PTPRD: variants seen among roughly 807,000 people sequenced by gnomAD.
PTPRD encodes receptor-type tyrosine-protein phosphatase delta.
In PTPRD, 34 loss-of-function variants were observed where a neutral mutation model predicts 214.5. That is an observed-to-expected ratio of 0.16 (90% CI 0.12 to 0.21). PTPRD has a LOEUF of 0.21. Ranked by LOEUF, PTPRD falls within the 10% of genes least tolerant of loss-of-function variation. PTPRD has a pLI of 1.00. For synonymous variants in PTPRD, 1,128 were observed against 845.7 expected, an observed-to-expected ratio of 1.33 and a Z score of -5.79; for missense variants, 2,545 against 2,398.7, an observed-to-expected ratio of 1.06 and a Z score of -1.27.
At position 8,891,137 on chromosome 9, in the gene PTPRD, A is replaced by ATTTTTTTTTTTTTTTTTT. The variant is rs761564011; in HGVS notation, c.-104+127559_-104+127560insAAAAAAAAAAAAAAAAAA. On this transcript the variant is annotated intron_variant, in intron 11 of 45. Coordinates refer to ENST00000381196, the MANE Select transcript of PTPRD (RefSeq NM_002839.4). Reference sequence around the variant, plus strand: ...AACTTCTGTGCTTTGAATTAATCTAATTTTTTTTTTTTTTGAGACTGAGTC... The same window carrying ATTTTTTTTTTTTTTTTTT: ...AACTTCTGTGCTTTGAATTAATCTAATTTTTTTTTTTTTTTTTTTTTTTTTTTTTTTTGAGACTGAGTC... 1.5e-3 allele frequency among the ~76,000 whole-genome samples: 183 copies of ATTTTTTTTTTTTTTTTTT among 123,578 alleles called. 13 individuals are homozygous for ATTTTTTTTTTTTTTTTTT. Among genetic ancestry groups the ATTTTTTTTTTTTTTTTTT allele is most frequent in the African/African-American group, 5.3e-3 (167 of 31,614 alleles). The allele number at this position is 123,578 out of a possible 152,430, so 81.1% of individuals were successfully genotyped here.
intron 11 of PTPRD, among the ~76,000 whole-genome samples, chr9:9,011,485 G>T (rs1298635744): frequency 1.3e-5 from 2 of 152,048 alleles, no homozygotes; most frequent in Non-Finnish European, 2.9e-5. Context: ...GAGAAGTGAG[G>T]TGTACATTAA....
chr9:10,486,151 T>C (rs1227148307), intron 2 of PTPRD, among the ~76,000 whole-genome samples: 2 of 152,118 alleles, frequency 1.3e-5, no homozygotes, highest in Non-Finnish European at 2.9e-5. Flanking sequence ...ACTCTGATGG[T>C]AGTTTCTTTT....
At chr9:9,818,644 G>C (rs2476592) in intron 5 of PTPRD, among the ~76,000 whole-genome samples, 4 of 151,806 alleles carry the variant, frequency 2.6e-5, no homozygotes, top group Admixed American at 2.6e-4. Context: ...TGGGTCGGGC[G>C]TGGTGGCTCA....
chr9:10,554,192 GC>G (rs766452644), intron 2 of PTPRD, among the ~76,000 whole-genome samples: 4 of 152,004 alleles, frequency 2.6e-5, no homozygotes, highest in Non-Finnish European at 4.4e-5. Context: ...ACTGTTCCTT[GC>G]CCTTAAATGG....
intron 2 of PTPRD, among the ~76,000 whole-genome samples, chr9:10,490,495 T>C (rs2039848689): frequency 6.6e-6 from 1 of 152,180 alleles, no homozygotes; most frequent in Non-Finnish European, 1.5e-5. Context: ...GATACCTCTC[T>C]TCTTTCCTTC....
chr9:8,378,263 T>A (rs1350837492), intron 37 of PTPRD, among the ~76,000 whole-genome samples: 5 of 152,022 alleles, frequency 3.3e-5, no homozygotes, highest in African/African-American at 1.2e-4. Context: ...CATAGGGAAA[T>A]GATAATTCTT....
intron 24 of PTPRD, among the ~76,000 whole-genome samples, chr9:8,500,050 C>CAAAAAAAAAAAAAAAAAAAGAAAA (rs34424655): frequency 1.3e-5 from 1 of 78,338 alleles, no homozygotes. Context: ...ATGACCGATG[C>CAAAAAAAAAAAAAAAAAAAGAAAA]AAAAAAAAAA....
At chr9:9,687,570 A>G (rs1265921236) in intron 7 of PTPRD, among the ~76,000 whole-genome samples, 2 of 151,850 alleles carry the variant, frequency 1.3e-5, no homozygotes, top group Non-Finnish European at 2.9e-5. Flanking sequence ...ATAACTTTTT[A>G]CATATGTTAC....
chr9:9,079,193 C>T (rs2099755490), intron 10 of PTPRD, among the ~76,000 whole-genome samples: 1 of 152,046 alleles, frequency 6.6e-6, no homozygotes, highest in South Asian at 2.1e-4. Flanking sequence ...ACAAATCTCT[C>T]CTTATTCCTC....
intron 8 of PTPRD, among the ~76,000 whole-genome samples, chr9:9,558,774 C>A (rs539420669): frequency 6.6e-6 from 1 of 152,256 alleles, no homozygotes; most frequent in South Asian, 2.1e-4. Flanking sequence ...AAAGTCCAGG[C>A]AGAAGGAGCA....
At chr9:10,320,889 A>C (rs1310646144) in intron 3 of PTPRD, among the ~76,000 whole-genome samples, 6 of 151,860 alleles carry the variant, frequency 4.0e-5, no homozygotes, top group Admixed American at 1.3e-4. Context: ...AACAATGCCC[A>C]GTAAATTTTT....
At chr9:8,563,223 G>A (rs186792668) in intron 14 of PTPRD, among the ~76,000 whole-genome samples, 16 of 152,194 alleles carry the variant, frequency 1.1e-4, no homozygotes, top group African/African-American at 3.1e-4. Flanking sequence ...CCTGGGAAGC[G>A]TATTGGTGAG....
intron 12 of PTPRD, among the ~76,000 whole-genome samples, chr9:8,708,710 C>T (rs2098263917): frequency 7.2e-6 from 1 of 138,460 alleles, no homozygotes; most frequent in South Asian, 2.4e-4. Context: ...AAAAACAGAG[C>T]TACCATGTGA....
chr9:9,534,361 G>A (rs890760064), intron 8 of PTPRD, among the ~76,000 whole-genome samples: 2 of 151,986 alleles, frequency 1.3e-5, no homozygotes, highest in African/African-American at 4.8e-5. Context: ...CTCCATGGCA[G>A]CATTTCTCAT....
At chr9:8,435,706 C>G (rs970060676) in intron 35 of PTPRD, among the ~76,000 whole-genome samples, 1 of 150,958 alleles carries the variant, frequency 6.6e-6, no homozygotes, top group African/African-American at 2.4e-5. Flanking sequence ...CAAATACACA[C>G]ACACACACAC....
chr9:10,142,205 T>C (rs2098990751), intron 3 of PTPRD, among the ~76,000 whole-genome samples: 1 of 151,760 alleles, frequency 6.6e-6, no homozygotes, highest in Non-Finnish European at 1.5e-5. Context: ...ATTCAGGACA[T>C]AGGCATGGGC....
rs535090935 is a variant in PTPRD, at chr9:8,705,515, T to C, written c.64+28265A>G. On this transcript the variant is annotated intron_variant, in intron 12 of 45. Transcript: ENST00000381196. Reference sequence around the variant, plus strand: ...AATACTAGTTTTGGATTTTGAATTATTTCCTGATTACTTGGGAACATCATT... The same window carrying C: ...AATACTAGTTTTGGATTTTGAATTACTTCCTGATTACTTGGGAACATCATT... Among the ~76,000 whole-genome samples the C allele has an allele frequency of 3.9e-5, 6 of 152,370 alleles. No homozygotes were observed. In the East Asian group the frequency reaches 1.2e-3, roughly 29 times the overall value.
At chr9:10,518,077 A>C (rs190664678) in intron 2 of PTPRD, among the ~76,000 whole-genome samples, 5 of 152,330 alleles carry the variant, frequency 3.3e-5, no homozygotes, top group African/African-American at 1.2e-4. Context: ...GAATGGACTC[A>C]ATGACCTCAA....
At chr9:9,880,127 G>A (rs1198147763) in intron 5 of PTPRD, among the ~76,000 whole-genome samples, 1 of 152,090 alleles carries the variant, frequency 6.6e-6, no homozygotes, top group African/African-American at 2.4e-5. Context: ...TCTTGTGATA[G>A]TGAGTGAACT....
Sources: allele counts gnomAD v4.1 joint callset (sites outside exome capture counted in the v4.1 genomes callset), GRCh38; gene constraint gnomAD v4.1.1; transcripts MANE v1.5; gene names NCBI Gene and HGNC (gene_info 2026-07-23, HGNC 2026-07-21).